Variants in CACNA2D2 observed in about 807,000 individuals in gnomAD.
The protein encoded by CACNA2D2 is voltage-dependent calcium channel subunit alpha-2/delta-2.
In CACNA2D2, 48 loss-of-function variants were observed where a neutral mutation model predicts 166.4. The observed-to-expected ratio is 0.29, with a 90% CI of 0.23 to 0.37. The LOEUF is 0.37. Among genes scored for constraint, CACNA2D2 ranks in the 10% least tolerant of loss-of-function variants. CACNA2D2 has a pLI of 1.00. For missense variants in CACNA2D2, 1,122 were observed against 1,433.0 expected, an observed-to-expected ratio of 0.78 and a Z score of 3.50; for synonymous variants, 561 against 573.7, an observed-to-expected ratio of 0.98 and a Z score of 0.32.
chr3:50,381,088 G>C lies in CACNA2D2; in HGVS notation c.691C>G (p.Leu231Val). 1 of 1,613,994 alleles carries C rather than the reference G, an allele frequency of 6.2e-7. No homozygotes were observed. The highest frequency in any genetic ancestry group is 8.5e-7 in the Non-Finnish European group (1 of 1,179,950). The change falls in exon 7 of 38, where the codon CTG becomes GTG. Residue 231 changes from leucine to valine, a missense_variant. This residue lies in a region of CACNA2D2 where 840 missense variants were observed against 1,166.8 expected (regional missense o/e 0.72). Coordinates refer to ENST00000424201, the MANE Select transcript of CACNA2D2 (RefSeq NM_006030.4). The part of the protein sequence containing the change: ...ILNELNWTEA[L>V]ENVFMENRRQ... ...CGGTTTTCCATGAACACATTCTCCA[G>C]GGCCTCTGTCCAGTTGAGCTCATTG...
chr3:50,379,143 A>G lies in CACNA2D2; in HGVS notation c.1209T>C (p.Gly403=), dbSNP rs777903252. The change falls in exon 12 of 38, where the codon GGT becomes GGC. Residue 403 remains glycine (G), a synonymous_variant. Transcript: ENST00000424201. The surrounding 1 kb of genome is among the most constrained non-coding windows in gnomAD (Gnocchi z 6.5). The part of the protein sequence containing the change: ...NKMIMMFTDG[G]EDRVQDVFEK... ...CAAAGACGTCCTGCACGCGGTCCTC[A>G]CCACCATCCGTGAACATCATGATCA... is the stretch of plus-strand genomic sequence containing the variant. 8.1e-6 allele frequency: 13 copies of G among 1,613,820 alleles called. No individual in the cohort carries two copies. Among genetic ancestry groups the G allele is most frequent in the Non-Finnish European group, 1.1e-5 (13 of 1,180,010 alleles).
intron 3 of CACNA2D2, among the ~76,000 whole-genome samples, chr3:50,432,721 G>A (rs1330409599): frequency 1.3e-5 from 2 of 152,342 alleles, no homozygotes; most frequent in African/African-American, 4.8e-5. Context: ...CCTGCTCTGG[G>A]TCCTCTGGGT....
intron 1 of CACNA2D2, among the ~76,000 whole-genome samples, chr3:50,497,071 G>C (rs1232811457): frequency 1.3e-5 from 2 of 152,164 alleles, no homozygotes; most frequent in African/African-American, 2.4e-5. Flanking sequence ...AACTCAAAGG[G>C]GGTCAATCTG....
intron 1 of CACNA2D2, among the ~76,000 whole-genome samples, chr3:50,500,571 C>T (rs911125304): frequency 6.6e-6 from 1 of 152,156 alleles, no homozygotes; most frequent in African/African-American, 2.4e-5. Flanking sequence ...GCGGTGGTGG[C>T]CTGATGCTGG....
At chr3:50,489,616 A>ACTGGGGCTGGGGCTGGGGCTGGGG (rs57886892) in intron 1 of CACNA2D2, among the ~76,000 whole-genome samples, 22 of 135,684 alleles carry the variant, frequency 1.6e-4, no homozygotes, top group African/African-American at 5.9e-4. Context: ...AGCCTCCAAA[A>ACTGGGGCTGGGGCTGGGGCTGGGG]CTGGGGCTGG....
At chr3:50,472,219 A>C (rs1441079675) in intron 2 of CACNA2D2, among the ~76,000 whole-genome samples, 1 of 152,224 alleles carries the variant, frequency 6.6e-6, no homozygotes, top group Non-Finnish European at 1.5e-5. Context: ...CATTTGTATG[A>C]CAGGATCACA....
chr3:50,367,267 G>T lies in CACNA2D2; in HGVS notation c.2401+127C>A. 1.9e-6 allele frequency: 2 copies of T among 1,028,142 alleles called. No homozygotes were observed. Among genetic ancestry groups the T allele is most frequent in the Non-Finnish European group, 3.0e-6 (2 of 672,302 alleles). The allele number at this position is 1,028,142 out of a possible 1,614,324, so 63.7% of individuals were successfully genotyped here. On this transcript the variant is annotated intron_variant, in intron 27 of 37. Transcript: ENST00000424201. The surrounding 1 kb of genome is among the most constrained non-coding windows in gnomAD (Gnocchi z 6.5). ...TGGCACAGTCTATCCCTCTTTTCAC[G>T]TCTGCCCTGGCCTCAGCCAGCCTTG...
chr3:50,454,144 G>A (rs532508424), intron 2 of CACNA2D2, among the ~76,000 whole-genome samples: 2 of 152,334 alleles, frequency 1.3e-5, no homozygotes, highest in Non-Finnish European at 2.9e-5. Context: ...CCACACAGGC[G>A]CACCCACAGG....
rs541227252 is a variant in CACNA2D2, at chr3:50,439,754, C to T, written c.289-5325G>A. ...TTGGAGGCCGGGGTCAGCTGCCAGA[C>T]TGGGCTACACTCATGTCAGGGATGT... On this transcript the variant is annotated intron_variant, in intron 2 of 37. Coordinates refer to ENST00000424201, the MANE Select transcript of CACNA2D2 (RefSeq NM_006030.4). Among the ~76,000 whole-genome samples, 5 of 152,330 alleles carry T rather than the reference C, an allele frequency of 3.3e-5. No individual in the cohort carries two copies. In the South Asian group the frequency reaches 1.0e-3, roughly 32 times the overall value.
intron 3 of CACNA2D2, among the ~76,000 whole-genome samples, chr3:50,424,135 G>A (rs570520055): frequency 6.6e-6 from 1 of 152,356 alleles, no homozygotes; most frequent in African/African-American, 2.4e-5. Context: ...TGCTGCTCAA[G>A]TGTGAGTGGG....
chr3:50,367,133 G>A lies in CACNA2D2; in HGVS notation c.2402-24C>T, dbSNP rs202084154. The A allele has an allele frequency of 1.3e-6, 2 of 1,582,320 alleles. No individual in the cohort carries two copies. The highest frequency in any genetic ancestry group is 2.2e-5 in the East Asian group (1 of 44,632). ...GGCTGGGGGTTGGGTGGGGAAGTCA[G>A]GAGTGGGGTCTGGCGGCCACACTGA... On this transcript the variant is annotated intron_variant, in intron 27 of 37. Transcript: ENST00000424201. The surrounding 1 kb of genome is among the most constrained non-coding windows in gnomAD (Gnocchi z 6.5).
At chr3:50,465,782 TG>T (rs1559975840) in intron 2 of CACNA2D2, among the ~76,000 whole-genome samples, 2 of 152,094 alleles carry the variant, frequency 1.3e-5, no homozygotes, top group Non-Finnish European at 2.9e-5. Context: ...ATCTAGGGGT[TG>T]TAAGTGGGAG....
chr3:50,444,293 G>A (rs574294395), intron 2 of CACNA2D2, among the ~76,000 whole-genome samples: 1 of 152,192 alleles, frequency 6.6e-6, no homozygotes, highest in Non-Finnish European at 1.5e-5. Context: ...ATACTGAGGC[G>A]CCGGGAGGGT....
intron 3 of CACNA2D2, among the ~76,000 whole-genome samples, chr3:50,413,373 C>T (rs73833366): frequency 0.087 from 13,242 of 152,114 alleles, 1,755 homozygotes; most frequent in African/African-American, 0.29. Flanking sequence ...GAACTGTTGC[C>T]TCTTCTACCA....
chr3:50,482,421 G>C (rs920000444), intron 1 of CACNA2D2, among the ~76,000 whole-genome samples: 1 of 152,210 alleles, frequency 6.6e-6, no homozygotes, highest in Admixed American at 6.5e-5. Context: ...CCTGGCTTTT[G>C]CAAGACCTTG....
intron 16 of CACNA2D2, 73 bp downstream of exon 16, chr3:50,377,658 AC>A (rs398122314): frequency 0.012 from 18,233 of 1,564,240 alleles, 144 homozygotes; most frequent in Non-Finnish European, 0.014. Context: ...CCCCTCTTCC[AC>A]CCTCAGACCT....
At chr3:50,502,586 C>T (rs1183493467) in intron 1 of CACNA2D2, among the ~76,000 whole-genome samples, 6 of 152,216 alleles carry the variant, frequency 3.9e-5, no homozygotes, top group African/African-American at 1.4e-4. Context: ...TCACCTTCTG[C>T]CCGGACCCCA....
chr3:50,435,233 G>A lies in CACNA2D2; in HGVS notation c.289-804C>T, dbSNP rs539580367. Among the ~76,000 whole-genome samples the A allele has an allele frequency of 2.6e-5, 4 of 151,994 alleles. No individual in the cohort carries two copies. In the South Asian group the frequency reaches 8.3e-4, roughly 32 times the overall value. On this transcript the variant is annotated intron_variant, in intron 2 of 37. Transcript: ENST00000424201. ...GGGGTGAGGGTCTCTAACCCCCCAGGGGCTTGTGAGTCTTAGGAGCAGATT... is the reference window on the plus strand; with the variant it reads ...GGGGTGAGGGTCTCTAACCCCCCAGAGGCTTGTGAGTCTTAGGAGCAGATT...
chr3:50,458,402 C>A (rs954270094), intron 2 of CACNA2D2, among the ~76,000 whole-genome samples: 1 of 152,232 alleles, frequency 6.6e-6, no homozygotes, highest in African/African-American at 2.4e-5. Flanking sequence ...CAGCAGTTCT[C>A]AAACTGTGTT....
Sources: allele counts gnomAD v4.1 joint callset (sites outside exome capture counted in the v4.1 genomes callset), GRCh38; gene constraint gnomAD v4.1.1; regional missense constraint gnomAD v4.1.1; non-coding constraint Gnocchi (gnomAD v3.1); transcripts MANE v1.5; gene names NCBI Gene and HGNC (gene_info 2026-07-23, HGNC 2026-07-21).